The following LNX1 variants were observed in gnomAD, a reference collection of about 807,000 sequenced individuals.
The protein encoded by LNX1 is ligand of numb-protein X 1.
Under a neutral mutation model 68.4 loss-of-function variants are expected in LNX1, and 54 were observed. The ratio of observed to expected loss-of-function variants is 0.79; its 90% CI spans 0.63 to 0.99. LNX1 has a LOEUF of 0.99. Ranked by LOEUF, LNX1 falls within the 50% of genes least tolerant of loss-of-function variation. The pLI is 0.00. For synonymous variants in LNX1, 336 were observed against 350.0 expected (o/e 0.96, Z 0.45); for missense variants, 906 against 926.4 (o/e 0.98, Z 0.29).
At chr4:53,526,544 A>G (rs115342620) in intron 2 of LNX1, among the ~76,000 whole-genome samples, 1,643 of 152,096 alleles carry the variant, frequency 0.011, 14 homozygotes, top group Non-Finnish European at 0.018. Flanking sequence ...TCACAATAAC[A>G]GTGATGAGAG....
chr4:53,560,273 T>C (rs1314571820), intron 2 of LNX1, among the ~76,000 whole-genome samples: 5 of 152,218 alleles, frequency 3.3e-5, no homozygotes, highest in Admixed American at 3.3e-4. Context: ...CTTCTGACAT[T>C]TGATACATCT....
intron 2 of LNX1, among the ~76,000 whole-genome samples, chr4:53,611,801 C>A (rs1168633637): frequency 6.6e-6 from 1 of 152,064 alleles, no homozygotes; most frequent in Non-Finnish European, 1.5e-5. Flanking sequence ...ACCAAGAAAT[C>A]TAGTGGATTA....
chr4:53,547,512 C>T (rs910302572), intron 2 of LNX1, among the ~76,000 whole-genome samples: 6 of 152,132 alleles, frequency 3.9e-5, no homozygotes, highest in African/African-American at 1.2e-4. Flanking sequence ...ACTAGGTCAT[C>T]TCACCTTCAG....
intron 2 of LNX1, among the ~76,000 whole-genome samples, chr4:53,602,383 G>T (rs1259932933): frequency 6.6e-6 from 1 of 152,180 alleles, no homozygotes. Flanking sequence ...AGGAGGGAAG[G>T]TTAGGTGGAA....
chr4:53,548,231 C>T (rs950447614), intron 2 of LNX1, among the ~76,000 whole-genome samples: 1 of 152,144 alleles, frequency 6.6e-6, no homozygotes, highest in Non-Finnish European at 1.5e-5. Context: ...TGCCCCATTC[C>T]TTCCAAGACC....
Position 53,476,692 on chromosome 4 carries a change from G to A in LNX1, c.1892+61C>T, listed in dbSNP as rs1723582905. 6 of 1,381,908 alleles carry A rather than the reference G, an allele frequency of 4.3e-6. No individual in the cohort carries two copies. In the South Asian group the frequency reaches 5.8e-5, roughly 13 times the overall value. 85.6% of individuals were successfully genotyped at this position (1,381,908 alleles called of 1,614,324 possible). A position where few individuals can be genotyped will look rare whatever the true frequency, so the allele number is the denominator to read the frequency against. ...AATCAGCCCTAGAGAGTGAAAGAGTGGTTTAAGAAATGTAATCGTTTTCTC... is the reference window on the plus strand; with the variant it reads ...AATCAGCCCTAGAGAGTGAAAGAGTAGTTTAAGAAATGTAATCGTTTTCTC... On this transcript the variant is annotated intron_variant, in intron 9 of 10. Coordinates refer to ENST00000263925, the MANE Select transcript of LNX1 (RefSeq NM_001126328.3).
At position 53,460,664 on chromosome 4, in the gene LNX1, A is replaced by AAAAT; in HGVS notation, c.*239_*242dup. ...TTTTAGGGCTTTTTATTGAATAGAA[A>AAAAT]AAATATAAACAATGTTGTAGAGTAA... is the stretch of plus-strand genomic sequence containing the variant. On this transcript the variant is annotated 3_prime_UTR_variant, in exon 11 of 11. Coordinates refer to ENST00000263925, the MANE Select transcript of LNX1 (RefSeq NM_001126328.3). 2.6e-6 allele frequency: 1 copy of AAAAT among 391,862 alleles called. No individual in the cohort carries two copies. The highest frequency in any genetic ancestry group is 4.5e-6 in the Non-Finnish European group (1 of 223,742). 24.3% of individuals were successfully genotyped at this position (391,862 alleles called of 1,614,324 possible). A position where few individuals can be genotyped will look rare whatever the true frequency, so the allele number is the denominator to read the frequency against.
At position 53,543,731 on chromosome 4, in the gene LNX1, A is replaced by G. The variant is rs1346938986; in HGVS notation, c.380+29892T>C. Among the ~76,000 whole-genome samples, 5 of 152,348 alleles carry G rather than the reference A, an allele frequency of 3.3e-5. No homozygotes were observed. The East Asian group carries it at 7.7e-4, about 23-fold the overall frequency. On this transcript the variant is annotated intron_variant, in intron 2 of 10. Coordinates refer to ENST00000263925, the MANE Select transcript of LNX1 (RefSeq NM_001126328.3). ...ACAAATGTTAAGAATTTGAAGGAGG[A>G]TCACATCACTGGGCTCCTTTGAGAT...
rs572694542 is a variant in LNX1 at position 53,573,703 on chromosome 4, C to G, written c.300G>C (p.Lys100Asn). Residue 100 changes from lysine (K) to asparagine (N), a missense_variant, in exon 2 of 11, where the codon AAG becomes AAC. Physicochemically the swap from Lys to Asn is moderately conservative, Grantham distance 94. Coordinates refer to ENST00000263925, the MANE Select transcript of LNX1 (RefSeq NM_001126328.3). ...CCCTGAATGGGCAGGTCACCAGTAG[C>G]TTGTTGAGGAGTTTGTTGACCAGGA... ...SSILVNKLLN[K>N]LLVTCPFREH... 93 of 1,610,602 alleles carry G rather than the reference C, an allele frequency of 5.8e-5. No individual in the cohort carries two copies. Among genetic ancestry groups the G allele is most frequent in the Non-Finnish European group, 7.5e-5 (88 of 1,178,576 alleles).
At chr4:53,466,093 CAAT>C (rs1259686749) in intron 9 of LNX1, among the ~76,000 whole-genome samples, 3 of 152,206 alleles carry the variant, frequency 2.0e-5, no homozygotes, top group East Asian at 1.9e-4. Context: ...ACTTCACCAA[CAAT>C]GACAGCTGCA....
At chr4:53,558,966 G>A (rs1281643402) in intron 2 of LNX1, among the ~76,000 whole-genome samples, 9 of 152,134 alleles carry the variant, frequency 5.9e-5, no homozygotes, top group Non-Finnish European at 1.2e-4. Flanking sequence ...CCTAAGCTCT[G>A]GAATGCCACA....
At chr4:53,526,438 T>C (rs1367011426) in intron 2 of LNX1, among the ~76,000 whole-genome samples, 5 of 144,374 alleles carry the variant, frequency 3.5e-5, no homozygotes, top group Non-Finnish European at 7.6e-5. Context: ...CAACTTAGTA[T>C]CAGAATGCCT....
At chr4:53,556,807 C>A (rs546326850) in intron 2 of LNX1, among the ~76,000 whole-genome samples, 14 of 152,274 alleles carry the variant, frequency 9.2e-5, no homozygotes, top group Admixed American at 2.0e-4. Flanking sequence ...CAGCTAATTA[C>A]AAAGGAGGCA....
chr4:53,488,366 T>C (rs1037627400), intron 6 of LNX1, among the ~76,000 whole-genome samples: 4 of 152,194 alleles, frequency 2.6e-5, no homozygotes, highest in African/African-American at 9.7e-5. Flanking sequence ...CTCTCATTGC[T>C]CTCTCTTAGC....
At chr4:53,642,535 T>C (rs913553323) in intron 1 of LNX1, among the ~76,000 whole-genome samples, 8 of 152,140 alleles carry the variant, frequency 5.3e-5, no homozygotes, top group Non-Finnish European at 1.2e-4. Context: ...CCCTGTACAC[T>C]CTAAAGTCAT....
intron 1 of LNX1, among the ~76,000 whole-genome samples, chr4:53,637,986 G>C (rs1349133896): frequency 3.3e-5 from 5 of 152,160 alleles, no homozygotes; most frequent in Non-Finnish European, 7.3e-5. Flanking sequence ...TACCACTTTA[G>C]AAGAAATGAT....
chr4:53,499,630 C>T (rs761959739), intron 4 of LNX1, among the ~76,000 whole-genome samples: 8 of 152,176 alleles, frequency 5.3e-5, no homozygotes, highest in Non-Finnish European at 7.3e-5. Context: ...GCAGTTTTAT[C>T]GCTTGCTTAT....
At chr4:53,578,650 G>C (rs899896028) in intron 1 of LNX1, among the ~76,000 whole-genome samples, 1 of 152,302 alleles carries the variant, frequency 6.6e-6, no homozygotes, top group South Asian at 2.1e-4. Context: ...GAATGGAATG[G>C]AGTAAGCAAA....
chr4:53,521,896 C>T (rs1402516797), intron 2 of LNX1, among the ~76,000 whole-genome samples: 1 of 152,122 alleles, frequency 6.6e-6, no homozygotes, highest in Non-Finnish European at 1.5e-5. Context: ...AACTCCTGGG[C>T]TCAAGGGATC....
Sources: allele counts gnomAD v4.1 joint callset (sites outside exome capture counted in the v4.1 genomes callset), GRCh38; gene constraint gnomAD v4.1.1; transcripts MANE v1.5; gene names NCBI Gene and HGNC (gene_info 2026-07-23, HGNC 2026-07-21).